The following KCNH5 variants were observed in gnomAD, a reference collection of about 807,000 sequenced individuals.
The protein encoded by KCNH5 is potassium voltage-gated channel subfamily H member 5, also known as voltage-gated delayed rectifier potassium channel KCNH5.
KCNH5 carries 46 observed loss-of-function variants against 96.1 expected under a neutral mutation model. The observed-to-expected ratio is 0.48, with a 90% CI of 0.38 to 0.61. The LOEUF (loss-of-function observed/expected upper bound fraction) is 0.61. Among genes scored for constraint, KCNH5 ranks in the 20% least tolerant of loss-of-function variants. KCNH5 has a pLI of 0.00. For synonymous variants in KCNH5, 439 were observed against 449.8 expected, an observed-to-expected ratio of 0.98 and a Z score of 0.30; for missense variants, 907 against 1,225.8, an observed-to-expected ratio of 0.74 and a Z score of 3.88.
chr14:62,798,696 G>A (rs1387817187), intron 9 of KCNH5, among the ~76,000 whole-genome samples: 1 of 152,118 alleles, frequency 6.6e-6, no homozygotes. Flanking sequence ...CAGTGTTAAA[G>A]GAGGTTATTT....
chr14:62,805,713 G>T (rs1886752700), intron 8 of KCNH5, among the ~76,000 whole-genome samples: 1 of 152,088 alleles, frequency 6.6e-6, no homozygotes, highest in Non-Finnish European at 1.5e-5. Context: ...TCCTAATGAG[G>T]ATTTCATAGT....
intron 7 of KCNH5, among the ~76,000 whole-genome samples, chr14:62,858,729 C>T (rs929650923): frequency 1.3e-5 from 2 of 152,134 alleles, no homozygotes; most frequent in African/African-American, 2.4e-5. Flanking sequence ...CTTCCACTTC[C>T]ACCCCTTAAT....
intron 7 of KCNH5, among the ~76,000 whole-genome samples, chr14:62,865,563 C>G (rs867890897): frequency 2.6e-5 from 4 of 152,258 alleles, no homozygotes; most frequent in South Asian, 4.1e-4. Context: ...AGTCAGAGGA[C>G]TCTAACACAG....
intron 7 of KCNH5, among the ~76,000 whole-genome samples, chr14:62,949,435 T>C (rs1452485014): frequency 1.3e-5 from 2 of 152,122 alleles, no homozygotes; most frequent in Non-Finnish European, 2.9e-5. Flanking sequence ...GCAGCTTCTT[T>C]GTATGTATTT....
intron 4 of KCNH5, among the ~76,000 whole-genome samples, chr14:62,999,607 G>C (rs549316110): frequency 6.7e-6 from 1 of 149,258 alleles, no homozygotes; most frequent in East Asian, 2.0e-4. Flanking sequence ...GTAAACTATC[G>C]CAAGGACAAA....
At chr14:62,986,995 T>C in intron 5 of KCNH5, 77 bp downstream of exon 5, 1 of 903,308 alleles carries the variant, frequency 1.1e-6, no homozygotes, top group East Asian at 2.4e-5. Flanking sequence ...GCCAGAAATA[T>C]CTATATTAAA....
At chr14:62,896,258 C>G (rs1057347310) in intron 7 of KCNH5, among the ~76,000 whole-genome samples, 9 of 152,186 alleles carry the variant, frequency 5.9e-5, no homozygotes, top group African/African-American at 1.9e-4. Context: ...ATGAATCAAC[C>G]AGACTTCCAT....
intron 8 of KCNH5, among the ~76,000 whole-genome samples, chr14:62,803,068 C>A (rs1886697701): frequency 6.6e-6 from 1 of 152,112 alleles, no homozygotes; most frequent in African/African-American, 2.4e-5. Context: ...GGAGAATCAC[C>A]TTATCCCAGG....
intron 6 of KCNH5, among the ~76,000 whole-genome samples, chr14:62,952,849 C>T (rs896994264): frequency 2.6e-5 from 4 of 152,050 alleles, no homozygotes; most frequent in Non-Finnish European, 4.4e-5. Context: ...AGGAGGTGAC[C>T]ATCCTGACAG....
chr14:62,804,740 A>T (rs1274656792), intron 8 of KCNH5, among the ~76,000 whole-genome samples: 1 of 152,198 alleles, frequency 6.6e-6, no homozygotes, highest in African/African-American at 2.4e-5. Flanking sequence ...GGATAATGAT[A>T]GTGCTTATAT....
chr14:62,878,206 G>A (rs182413872), intron 7 of KCNH5, among the ~76,000 whole-genome samples: 2 of 138,204 alleles, frequency 1.4e-5, no homozygotes, highest in Non-Finnish European at 1.6e-5. Context: ...GGGGATGGGG[G>A]GGGGGGCGGA....
chr14:63,045,220 G>A lies in KCNH5; in HGVS notation c.-34C>T. The A allele has an allele frequency of 6.5e-7, 1 of 1,545,102 alleles. No individual in the cohort carries two copies. The highest frequency in any genetic ancestry group is 1.4e-5 in the African/African-American group (1 of 73,702). ...TGGAGAGCAGCGGCCAGGATCCGCGGCGGGGGAGGGGGGGATGCAGGCAAA... is the reference window on the plus strand; with the variant it reads ...TGGAGAGCAGCGGCCAGGATCCGCGACGGGGGAGGGGGGGATGCAGGCAAA... On this transcript the variant is annotated 5_prime_UTR_variant, in exon 1 of 11. Transcript: ENST00000322893.
At chr14:62,904,983 C>T (rs975614239) in intron 7 of KCNH5, among the ~76,000 whole-genome samples, 8 of 152,186 alleles carry the variant, frequency 5.3e-5, no homozygotes, top group East Asian at 1.9e-4. Flanking sequence ...TCAAAATATA[C>T]GCTACCATGG....
chr14:62,912,933 T>C (rs1566705549), intron 7 of KCNH5, among the ~76,000 whole-genome samples: 1 of 152,224 alleles, frequency 6.6e-6, no homozygotes, highest in Non-Finnish European at 1.5e-5. Flanking sequence ...AAACCCCTGC[T>C]GGGAATATAA....
chr14:62,813,735 A>G (rs760786111), intron 8 of KCNH5, among the ~76,000 whole-genome samples: 3 of 152,204 alleles, frequency 2.0e-5, no homozygotes, highest in African/African-American at 4.8e-5. Context: ...TAAGTCAGTG[A>G]AAGCCAGTGG....
intron 8 of KCNH5, among the ~76,000 whole-genome samples, chr14:62,818,162 AG>A (rs2140014918): frequency 6.7e-6 from 1 of 148,454 alleles, no homozygotes; most frequent in Admixed American, 6.8e-5. Flanking sequence ...ACACACTTGC[AG>A]TTATAAAATG....
chr14:62,873,104 C>T (rs1440698544), intron 7 of KCNH5, among the ~76,000 whole-genome samples: 6 of 149,456 alleles, frequency 4.0e-5, no homozygotes, highest in South Asian at 2.1e-4. Flanking sequence ...GAGCCAAGAT[C>T]GCGCCACTGC....
intron 10 of KCNH5, among the ~76,000 whole-genome samples, chr14:62,755,290 A>C (rs557042860): frequency 1.2e-4 from 18 of 152,272 alleles, no homozygotes; most frequent in African/African-American, 3.6e-4. Flanking sequence ...GAATCATTAG[A>C]GGCTACTGAG....
At chr14:62,969,057 T>C (rs879906238) in intron 6 of KCNH5, among the ~76,000 whole-genome samples, 1 of 152,206 alleles carries the variant, frequency 6.6e-6, no homozygotes, top group Non-Finnish European at 1.5e-5. Context: ...AATCATACAA[T>C]GTCTGCTTTC....
Sources: gnomAD v4.1 joint callset for allele counts (sites outside exome capture counted in the v4.1 genomes callset) on GRCh38, gnomAD v4.1.1 for gene constraint, MANE v1.5 for transcripts, NCBI Gene and HGNC (gene_info 2026-07-23, HGNC 2026-07-21) for gene names.